FHOD3: variants seen among roughly 807,000 people sequenced by gnomAD.
FHOD3 encodes formin homology 2 domain containing 3.
In FHOD3, 90 loss-of-function variants were observed where a neutral mutation model predicts 173.0. The observed-to-expected ratio is 0.52, with a 90% confidence interval of 0.44 to 0.62. The LOEUF is 0.62. FHOD3 is among the 20% of genes least tolerant of loss of function. The pLI is 0.00. For missense variants in FHOD3, 1,945 were observed against 2,034.7 expected (o/e 0.96, Z 0.85); for synonymous variants, 828 against 823.0 (o/e 1.01, Z -0.10).
chr18:36,708,805 G>A (rs998235715), intron 17 of FHOD3, among the ~76,000 whole-genome samples: 1 of 152,128 alleles, frequency 6.6e-6, no homozygotes, highest in Non-Finnish European at 1.5e-5. Context: ...TTCCTTTTCT[G>A]CTGCCAATTG....
intron 3 of FHOD3, among the ~76,000 whole-genome samples, chr18:36,493,231 T>A (rs2054560761): frequency 1.5e-5 from 2 of 135,250 alleles, no homozygotes; most frequent in African/African-American, 5.5e-5. Flanking sequence ...TTTTTTTTTT[T>A]ACAACTTGTA....
At chr18:36,773,223 A>T (rs1322219166) in intron 28 of FHOD3, among the ~76,000 whole-genome samples, 1 of 152,184 alleles carries the variant, frequency 6.6e-6, no homozygotes, top group African/African-American at 2.4e-5. Flanking sequence ...AAACAGGGGG[A>T]ACTGACACAT....
At chr18:36,561,526 C>G (rs869389) in intron 5 of FHOD3, among the ~76,000 whole-genome samples, 15,172 of 152,178 alleles carry the variant, frequency 0.1, 978 homozygotes, top group South Asian at 0.2. Context: ...TTGAGAAGTA[C>G]TATTTTTGAT....
intron 14 of FHOD3, among the ~76,000 whole-genome samples, chr18:36,659,954 C>A (rs373748039): frequency 2.6e-5 from 4 of 152,096 alleles, no homozygotes; most frequent in East Asian, 1.9e-4. Context: ...GGAGGGTGGG[C>A]AGTTAAACCA....
At chr18:36,430,615 A>G (rs1387053914) in intron 3 of FHOD3, among the ~76,000 whole-genome samples, 2 of 152,216 alleles carry the variant, frequency 1.3e-5, no homozygotes, top group Non-Finnish European at 2.9e-5. Flanking sequence ...GATAATAAGT[A>G]ATTTTTAAAA....
intron 3 of FHOD3, among the ~76,000 whole-genome samples, chr18:36,389,433 T>C (rs2048191405): frequency 6.6e-6 from 1 of 152,190 alleles, no homozygotes; most frequent in African/African-American, 2.4e-5. Context: ...TCACCTGTGA[T>C]TTTCAGTATT....
At chr18:36,502,070 C>T (rs2055059649) in intron 4 of FHOD3, 71 bp downstream of exon 4, 2 of 969,902 alleles carry the variant, frequency 2.1e-6, no homozygotes, top group South Asian at 3.4e-5. Flanking sequence ...CAAGCTTCTA[C>T]CTGTACTTGT....
At chr18:36,501,058 C>G (rs2055007068) in intron 3 of FHOD3, among the ~76,000 whole-genome samples, 1 of 152,168 alleles carries the variant, frequency 6.6e-6, no homozygotes, top group African/African-American at 2.4e-5. Context: ...TCTCTAGCTG[C>G]ATGGTGATCT....
chr18:36,742,600 A>G, intron 21 of FHOD3, 137 bp from the exon 22 acceptor site: 3 of 938,706 alleles, frequency 3.2e-6, no homozygotes, highest in Non-Finnish European at 4.8e-6. Context: ...TTCCATACCT[A>G]GGAGCAATGC....
chr18:36,436,836 T>G (rs1435726408), intron 3 of FHOD3, among the ~76,000 whole-genome samples: 1 of 152,182 alleles, frequency 6.6e-6, no homozygotes, highest in East Asian at 1.9e-4. Flanking sequence ...GGATAAAAGT[T>G]GAAAATTAAT....
chr18:36,505,024 C>A (rs1049248918), intron 4 of FHOD3, among the ~76,000 whole-genome samples: 11 of 152,154 alleles, frequency 7.2e-5, no homozygotes, highest in Non-Finnish European at 1.6e-4. Flanking sequence ...CCACACATGC[C>A]CAGATCCCTC....
rs772865340 is a variant in FHOD3 at position 36,658,099 on chromosome 18, T to C, written c.1746T>C (p.Ser582=). 2.9e-5 allele frequency: 47 copies of C among 1,607,506 alleles called. No homozygotes were observed. In the African/African-American group the frequency reaches 5.4e-4, roughly 18 times the overall value. The change falls in exon 14 of 29, where the codon TCT becomes TCC. Residue 582 remains serine (S), a synonymous_variant. Coordinates refer to ENST00000590592, the MANE Select transcript of FHOD3 (RefSeq NM_001281740.3). The stretch of plus-strand genomic sequence containing the variant: ...GATACAGCAATTTTGGCAATAACTC[T>C]TATCACTCCTCAAGACCCTCATCTG... The part of the protein sequence containing the change: ...SNRYSNFGNN[S]YHSSRPSSGS...
intron 6 of FHOD3, among the ~76,000 whole-genome samples, chr18:36,589,496 G>A (rs1391661338): frequency 6.6e-6 from 1 of 152,160 alleles, no homozygotes; most frequent in Non-Finnish European, 1.5e-5. Flanking sequence ...ATCCAGTTCT[G>A]AGCCTTGCTC....
intron 3 of FHOD3, among the ~76,000 whole-genome samples, chr18:36,501,301 G>A (rs1016596956): frequency 1.3e-5 from 2 of 152,180 alleles, no homozygotes; most frequent in African/African-American, 4.8e-5. Flanking sequence ...CTGCCCAGAG[G>A]CCCTCATGTG....
chr18:36,487,926 G>A (rs1396093255), intron 3 of FHOD3, among the ~76,000 whole-genome samples: 5 of 152,162 alleles, frequency 3.3e-5, no homozygotes, highest in African/African-American at 1.2e-4. Flanking sequence ...CCTTAGGCTA[G>A]GTGTGAATTT....
chr18:36,500,782 A>G (rs1358647854), intron 3 of FHOD3, among the ~76,000 whole-genome samples: 1 of 152,172 alleles, frequency 6.6e-6, no homozygotes, highest in Non-Finnish European at 1.5e-5. Context: ...GTGGTATCCT[A>G]GTGCCTCGAA....
chr18:36,550,959 A>C (rs964269677), intron 5 of FHOD3, among the ~76,000 whole-genome samples: 1 of 152,186 alleles, frequency 6.6e-6, no homozygotes, highest in Non-Finnish European at 1.5e-5. Flanking sequence ...TGTTGAATAG[A>C]AGTGATAAGA....
chr18:36,588,370 A>C (rs569639589), intron 6 of FHOD3, among the ~76,000 whole-genome samples: 18 of 152,368 alleles, frequency 1.2e-4, no homozygotes, highest in African/African-American at 3.8e-4. Flanking sequence ...TATATTCTAA[A>C]GTGCTGATGA....
intron 2 of FHOD3, among the ~76,000 whole-genome samples, chr18:36,362,209 T>TG (rs1447730373): frequency 6.6e-6 from 1 of 151,786 alleles, no homozygotes; most frequent in Non-Finnish European, 1.5e-5. Context: ...TGTAACCCCC[T>TG]GGGGGGACAA....
Sources: allele counts gnomAD v4.1 joint callset (sites outside exome capture counted in the v4.1 genomes callset), GRCh38; gene constraint gnomAD v4.1.1; transcripts MANE v1.5; gene names NCBI Gene and HGNC (gene_info 2026-07-23, HGNC 2026-07-21).